Variants in CMTR1 observed in about 807,000 individuals in gnomAD.
CMTR1 encodes cap methyltransferase 1.
In CMTR1, 39 loss-of-function variants were observed where a neutral mutation model predicts 107.0. That is an observed-to-expected ratio of 0.36 (90% confidence interval 0.28 to 0.48). The LOEUF (loss-of-function observed/expected upper bound fraction) is 0.48, where lower values mean the gene tolerates loss of function less well. Ranked by LOEUF, CMTR1 falls within the 20% of genes least tolerant of loss-of-function variation. The probability of loss-of-function intolerance (pLI) is 0.99; values close to 1 mark genes in which losing one functional copy is unlikely to be tolerated. For synonymous variants in CMTR1, 366 were observed against 379.5 expected, an observed-to-expected ratio of 0.96 and a Z score of 0.41; for missense variants, 672 against 1,064.9, an observed-to-expected ratio of 0.63 and a Z score of 5.14.
At chr6:37,452,626 T>G (rs1461495431) in intron 6 of CMTR1, among the ~76,000 whole-genome samples, 1 of 152,146 alleles carries the variant, frequency 6.6e-6, no homozygotes, top group Non-Finnish European at 1.5e-5. Flanking sequence ...GTAGGTGCCA[T>G]CAGAAAACCC....
intron 11 of CMTR1, 50 bp from the exon 12 acceptor site, chr6:37,461,920 C>T: frequency 2.5e-6 from 4 of 1,599,360 alleles, no homozygotes; most frequent in Non-Finnish European, 3.4e-6. Flanking sequence ...CTTCACCCAT[C>T]TCTTGGAATA....
rs1390300047 is a variant in CMTR1 at position 37,458,683 on chromosome 6, C to T, written c.849C>T (p.Phe283=). 7 of 1,614,012 alleles carry T rather than the reference C, an allele frequency of 4.3e-6. No homozygotes were observed. In the African/African-American group the frequency reaches 9.3e-5, roughly 22 times the overall value. The part of the protein sequence containing the change: ...FADVCAGPGG[F]SEYVLWRKKW... ...ATGTCTGCGCAGGCCCAGGTGGCTT[C>T]TCAGAGTATGTGCTGTGGAGGAAGA... Residue 283 remains phenylalanine (F), a synonymous_variant, in exon 9 of 24, where the codon TTC becomes TTT. Transcript: ENST00000373451. The surrounding 1 kb of genome is among the most constrained non-coding windows in gnomAD (Gnocchi z 4.7).
At chr6:37,439,520 G>A (rs1771619126) in intron 2 of CMTR1, among the ~76,000 whole-genome samples, 1 of 152,144 alleles carries the variant, frequency 6.6e-6, no homozygotes, top group Admixed American at 6.5e-5. Flanking sequence ...TAGGCTATTT[G>A]CCCTGAAACA....
intron 18 of CMTR1, 26 bp downstream of exon 18, chr6:37,474,672 TG>T: frequency 6.2e-7 from 1 of 1,611,856 alleles, no homozygotes; most frequent in Non-Finnish European, 8.5e-7. Flanking sequence ...GCTCAGGTGT[TG>T]GCCCTGCAGC....
At chr6:37,433,169 G>C (rs543642020), upstream of CMTR1, 2 of 152,682 alleles carry the variant, frequency 1.3e-5, no homozygotes, top group Admixed American at 6.5e-5. Flanking sequence ...GACCCGGCCG[G>C]GGGAGGACCG....
At chr6:37,426,999 C>A in the CMTR1 span, among the ~76,000 whole-genome samples, 2 of 152,104 alleles carry the variant, frequency 1.3e-5, no homozygotes, top group Non-Finnish European at 2.9e-5. Context: ...GGGCATGGAT[C>A]CCCCATAATC....
intron 6 of CMTR1, 44 bp from the exon 7 acceptor site, chr6:37,453,003 T>C: frequency 6.3e-7 from 1 of 1,588,130 alleles, no homozygotes; most frequent in South Asian, 1.1e-5. Context: ...TAAGGTCCCT[T>C]TCCTATCCTG....
intron 10 of CMTR1, 31 bp downstream of exon 10, chr6:37,459,715 A>G (rs1317468881): frequency 1.4e-6 from 2 of 1,434,830 alleles, no homozygotes; most frequent in South Asian, 1.1e-5. Flanking sequence ...AGACTGATGC[A>G]TTAAGGATTT....
At chr6:37,461,844 G>A in intron 11 of CMTR1, 126 bp from the exon 12 acceptor site, 2 of 1,103,172 alleles carry the variant, frequency 1.8e-6, no homozygotes. Context: ...CCCTTAAATT[G>A]TCTCTGAGTT....
intron 13 of CMTR1, among the ~76,000 whole-genome samples, chr6:37,464,261 C>A (rs1057140831): frequency 6.6e-6 from 1 of 151,964 alleles, no homozygotes; most frequent in African/African-American, 2.4e-5. Context: ...ATCCGGAGAT[C>A]GAGACCATCC....
intron 5 of CMTR1, 126 bp downstream of exon 5, chr6:37,450,469 G>C (rs554519637): frequency 1.4e-5 from 10 of 716,954 alleles, no homozygotes; most frequent in East Asian, 1.4e-4. Flanking sequence ...ATGTTGGTAG[G>C]AATAAAACTG....
At position 37,459,803 on chromosome 6, in the gene CMTR1, A is replaced by G. The variant is rs1758251109; in HGVS notation, c.1095+119A>G. 9 of 735,486 alleles carry G rather than the reference A, an allele frequency of 1.2e-5. No homozygotes were observed. The Admixed American group carries it at 2.0e-4, about 16-fold the overall frequency. The allele number at this position is 735,486 out of a possible 1,614,324, so 45.6% of individuals were successfully genotyped here. On this transcript the variant is annotated intron_variant, in intron 10 of 23. Coordinates refer to ENST00000373451, the MANE Select transcript of CMTR1 (RefSeq NM_015050.3). ...CCAAAGATGGTATTTCACAGTTCAGATTGTAGAGAATGCATTTTTATTCTT... is the reference window on the plus strand; with the variant it reads ...CCAAAGATGGTATTTCACAGTTCAGGTTGTAGAGAATGCATTTTTATTCTT...
intron 8 of CMTR1, among the ~76,000 whole-genome samples, chr6:37,456,573 G>T (rs901483523): frequency 5.3e-5 from 8 of 152,132 alleles, no homozygotes; most frequent in Non-Finnish European, 5.9e-5. Flanking sequence ...TCTTTCTTGG[G>T]ACTGTTTCCC....
At chr6:37,432,878 A>C (rs1771413881), upstream of CMTR1, among the ~76,000 whole-genome samples, 1 of 152,244 alleles carries the variant, frequency 6.6e-6, no homozygotes, top group Admixed American at 6.5e-5. Context: ...AGCAGGGAAC[A>C]AGAACACTGC....
chr6:37,449,833 G>A (rs1406473903), intron 4 of CMTR1, among the ~76,000 whole-genome samples: 1 of 152,136 alleles, frequency 6.6e-6, no homozygotes, highest in Non-Finnish European at 1.5e-5. Flanking sequence ...AAGTCTTTCT[G>A]ATATACTTAT....
chr6:37,442,302 G>A (rs770191321), intron 2 of CMTR1, among the ~76,000 whole-genome samples: 8 of 152,144 alleles, frequency 5.3e-5, no homozygotes, highest in South Asian at 2.1e-4. Flanking sequence ...GGAGGGCTCC[G>A]TTCTCTGTTA....
Position 37,471,039 on chromosome 6 carries a change from C to G in CMTR1, c.1524C>G (p.Ile508Met), listed in dbSNP as rs1761614153. The change falls in exon 14 of 24, where the codon ATC (isoleucine) becomes ATG (methionine). Residue 508 changes from isoleucine (I) to methionine (M), a missense_variant. Physicochemically the swap from Ile to Met is conservative, Grantham distance 10. Around this residue, in one of 2 missense-constraint regions of CMTR1, gnomAD observed 583 missense variants for 968.4 expected, o/e 0.60. Transcript: ENST00000373451. ...RSNESHCSLQ[I>M]KALAKIHAFV... is the part of the protein sequence containing the mutation. ...CTTCTAGCCACTGTAGTCTGCAGAT[C>G]AAAGCTCTGGCGAAAATCCATGCCT... The G allele has an allele frequency of 6.2e-7, 1 of 1,606,910 alleles. No individual in the cohort carries two copies. The highest frequency in any genetic ancestry group is 2.2e-5 in the East Asian group (1 of 44,706).
At position 37,479,181 on chromosome 6, in the gene CMTR1, G is replaced by A; in HGVS notation, c.2301G>A (p.Lys767=). 1 of 1,614,116 alleles carries A rather than the reference G, an allele frequency of 6.2e-7. No individual in the cohort carries two copies. Among genetic ancestry groups the A allele is most frequent in the East Asian group, 2.2e-5 (1 of 44,890 alleles). ...PWTMGFSKSF[K]KKFFYNKKTK... ...CTATGGGATTCAGCAAAAGCTTCAA[G>A]AAGAAGTTCTTCTACAACAAGAAAA... Residue 767 remains lysine (K), a synonymous_variant, in exon 23 of 24, where the codon AAG becomes AAA. Coordinates refer to ENST00000373451, the MANE Select transcript of CMTR1 (RefSeq NM_015050.3).
intron 2 of CMTR1, among the ~76,000 whole-genome samples, chr6:37,442,092 A>G (rs1345357698): frequency 3.3e-5 from 5 of 152,218 alleles, no homozygotes; most frequent in Non-Finnish European, 7.3e-5. Flanking sequence ...TTGAAAATGC[A>G]TATTAACCTT....
Sources: gnomAD v4.1 joint callset for allele counts (sites outside exome capture counted in the v4.1 genomes callset) on GRCh38, gnomAD v4.1.1 for gene constraint, gnomAD v4.1.1 regional missense constraint, Gnocchi (gnomAD v3.1) non-coding constraint, MANE v1.5 for transcripts, NCBI Gene and HGNC (gene_info 2026-07-23, HGNC 2026-07-21) for gene names.